Variants in CNTNAP2 observed in about 807,000 individuals in gnomAD.
CNTNAP2 encodes the protein contactin-associated protein-like 2.
CNTNAP2 carries 98 observed loss-of-function variants against 155.2 expected under a neutral mutation model. The ratio of observed to expected loss-of-function variants is 0.63; its 90% CI spans 0.54 to 0.75. The LOEUF (loss-of-function observed/expected upper bound fraction) is 0.75. Ranked by LOEUF, CNTNAP2 falls within the 30% of genes least tolerant of loss-of-function variation. CNTNAP2 has a pLI of 0.00. For missense variants in CNTNAP2, 1,727 were observed against 1,688.1 expected (o/e 1.02, Z -0.40); for synonymous variants, 651 against 631.2 (o/e 1.03, Z -0.47).
intron 10 of CNTNAP2, among the ~76,000 whole-genome samples, chr7:147,423,476 G>C (rs569165464): frequency 6.6e-6 from 1 of 152,260 alleles, no homozygotes; most frequent in South Asian, 2.1e-4. Context: ...TCCACTGTGT[G>C]TATCTTCAAG....
intron 14 of CNTNAP2, among the ~76,000 whole-genome samples, chr7:147,976,355 A>C (rs1301137344): frequency 6.6e-6 from 1 of 152,166 alleles, no homozygotes; most frequent in East Asian, 1.9e-4. Context: ...ATTAAGTTTA[A>C]TATCAAAGGC....
intron 1 of CNTNAP2, among the ~76,000 whole-genome samples, chr7:146,180,455 A>G (rs2116834955): frequency 6.6e-6 from 1 of 152,142 alleles, no homozygotes; most frequent in Admixed American, 6.5e-5. Flanking sequence ...ATCAAAATAG[A>G]TCTGCCTTAT....
At chr7:147,886,325 A>G (rs1342985640) in intron 13 of CNTNAP2, among the ~76,000 whole-genome samples, 3 of 151,840 alleles carry the variant, frequency 2.0e-5, no homozygotes, top group Non-Finnish European at 4.4e-5. Flanking sequence ...ATACAAAAAA[A>G]TTATCCAGGT....
chr7:146,831,892 T>C (rs1197584581), intron 2 of CNTNAP2, among the ~76,000 whole-genome samples: 1 of 152,138 alleles, frequency 6.6e-6, no homozygotes, highest in Non-Finnish European at 1.5e-5. Flanking sequence ...TTCTTCTGTT[T>C]TGCTTAAAAA....
intron 1 of CNTNAP2, among the ~76,000 whole-genome samples, chr7:146,363,072 A>G (rs550600598): frequency 9.6e-6 from 1 of 103,838 alleles, no homozygotes; most frequent in South Asian, 2.3e-4. Flanking sequence ...CCTGGCCCAC[A>G]TAACACCTAT....
chr7:148,044,126 A>C (rs962369726), intron 15 of CNTNAP2, among the ~76,000 whole-genome samples: 2 of 152,204 alleles, frequency 1.3e-5, no homozygotes, highest in East Asian at 3.8e-4. Context: ...AAAGAGTACA[A>C]GCTTTAGACC....
chr7:146,577,375 T>C (rs1018707278), intron 1 of CNTNAP2, among the ~76,000 whole-genome samples: 6 of 152,090 alleles, frequency 3.9e-5, no homozygotes, highest in Non-Finnish European at 7.4e-5. Context: ...ATGTGCTGCA[T>C]TTCCTCAAAA....
At chr7:146,655,878 G>T (rs531541718) in intron 1 of CNTNAP2, among the ~76,000 whole-genome samples, 21 of 152,192 alleles carry the variant, frequency 1.4e-4, no homozygotes, top group Admixed American at 7.9e-4. Context: ...AATTTAATGT[G>T]ACAATGGTTT....
intron 3 of CNTNAP2, among the ~76,000 whole-genome samples, chr7:146,852,273 A>G (rs1000915692): frequency 1.2e-4 from 19 of 152,192 alleles, no homozygotes; most frequent in Non-Finnish European, 4.4e-5. Context: ...AATAAGGATG[A>G]TCTTGTAAGA....
chr7:146,840,023 T>A (rs1803690483), intron 3 of CNTNAP2, 119 bp downstream of exon 3: 1 of 1,193,634 alleles, frequency 8.4e-7, no homozygotes, highest in Admixed American at 2.1e-5. Context: ...ATTGGGAAAC[T>A]ATTTATTCAT....
chr7:147,849,103 A>G (rs1354723366), intron 13 of CNTNAP2, among the ~76,000 whole-genome samples: 1 of 152,210 alleles, frequency 6.6e-6, no homozygotes, highest in African/African-American at 2.4e-5. Flanking sequence ...TTGAGATTCT[A>G]CTGGAAAAAT....
rs1798237745 is a variant in CNTNAP2, at chr7:147,472,235, C to T, written c.1671-13700C>T. Among the ~76,000 whole-genome samples the T allele has an allele frequency of 1.8e-5, 2 of 112,230 alleles. 1 individual carries two copies. The highest frequency in any genetic ancestry group is 5.9e-4 in the South Asian group (2 of 3,392). The allele number at this position is 112,230 out of a possible 152,430, so 73.6% of individuals were successfully genotyped here. ...TTTTTTTTTTTTTTTTTTTTTGAGA[C>T]TGAGTCTCACTCAGTTGCCCAGGCT... On this transcript the variant is annotated intron_variant, in intron 10 of 23. Transcript: ENST00000361727.
At chr7:147,169,549 G>A (rs1318230300) in intron 8 of CNTNAP2, among the ~76,000 whole-genome samples, 1 of 150,308 alleles carries the variant, frequency 6.7e-6, no homozygotes, top group East Asian at 2.0e-4. Flanking sequence ...TTCTTTTCCT[G>A]TGTTAATTTT....
intron 13 of CNTNAP2, among the ~76,000 whole-genome samples, chr7:147,771,833 A>G (rs2116536745): frequency 6.6e-6 from 1 of 151,928 alleles, no homozygotes; most frequent in African/African-American, 2.4e-5. Flanking sequence ...AATTTGATAT[A>G]TTTTGTGTTT....
intron 10 of CNTNAP2, among the ~76,000 whole-genome samples, chr7:147,434,918 T>A (rs1336384909): frequency 6.6e-6 from 1 of 152,200 alleles, no homozygotes; most frequent in Non-Finnish European, 1.5e-5. Context: ...ATGCCACACA[T>A]CATCTTTTGT....
At chr7:147,284,238 CT>C (rs35390026) in intron 8 of CNTNAP2, among the ~76,000 whole-genome samples, 1 of 151,204 alleles carries the variant, frequency 6.6e-6, no homozygotes. Context: ...GTATTCTAGT[CT>C]TTTTTTTAAG....
At chr7:147,095,336 T>C (rs1156672656) in intron 4 of CNTNAP2, among the ~76,000 whole-genome samples, 2 of 151,832 alleles carry the variant, frequency 1.3e-5, no homozygotes, top group Non-Finnish European at 2.9e-5. Flanking sequence ...GCACCCAGCC[T>C]CTGGGGCAGC....
At chr7:148,388,536 G>C (rs1011908832) in intron 22 of CNTNAP2, among the ~76,000 whole-genome samples, 2 of 152,084 alleles carry the variant, frequency 1.3e-5, no homozygotes, top group African/African-American at 4.8e-5. Flanking sequence ...TCTTAATCCA[G>C]TCTATCATTG....
chr7:147,381,261 TAGTC>T (rs1449873430), intron 9 of CNTNAP2, among the ~76,000 whole-genome samples: 6 of 152,152 alleles, frequency 3.9e-5, no homozygotes, highest in Non-Finnish European at 5.9e-5. Context: ...ATGAGTGAGT[TAGTC>T]AGGGTCACAC....
Sources: gnomAD v4.1 joint callset for allele counts (sites outside exome capture counted in the v4.1 genomes callset) on GRCh38, gnomAD v4.1.1 for gene constraint, MANE v1.5 for transcripts, NCBI Gene and HGNC (gene_info 2026-07-23, HGNC 2026-07-21) for gene names.